The following PKNOX2 variants were observed in gnomAD, a reference collection of about 807,000 sequenced individuals.
PKNOX2 encodes the protein homeobox protein PKNOX2.
In PKNOX2, 14 loss-of-function variants were observed where a neutral mutation model predicts 53.1. That is an observed-to-expected ratio of 0.26 (90% CI 0.17 to 0.41). The LOEUF is 0.41. Among genes scored for constraint, PKNOX2 ranks in the 10% least tolerant of loss-of-function variants. The probability of loss-of-function intolerance (pLI) is 1.00; values close to 1 mark genes in which losing one functional copy is unlikely to be tolerated. For synonymous variants in PKNOX2, 257 were observed against 242.8 expected (o/e 1.06, Z -0.54); for missense variants, 496 against 602.8 (o/e 0.82, Z 1.85).
At chr11:125,176,024 G>A (rs1312845291) in intron 1 of PKNOX2, among the ~76,000 whole-genome samples, 1 of 152,202 alleles carries the variant, frequency 6.6e-6, no homozygotes, top group Non-Finnish European at 1.5e-5. Flanking sequence ...TGACAGCCAT[G>A]TTTGGGTGAT....
chr11:125,270,305 C>A (rs1165107265), intron 2 of PKNOX2, among the ~76,000 whole-genome samples: 1 of 152,192 alleles, frequency 6.6e-6, no homozygotes, highest in African/African-American at 2.4e-5. Context: ...CAGGTGTGGT[C>A]TTCCCTCTGC....
chr11:125,317,780 C>A (rs1241569899), intron 2 of PKNOX2, among the ~76,000 whole-genome samples: 1 of 152,182 alleles, frequency 6.6e-6, no homozygotes, highest in African/African-American at 2.4e-5. Context: ...TGAGCCCTGG[C>A]TTCAACCTAA....
chr11:125,247,847 A>G (rs1302162149), intron 2 of PKNOX2, among the ~76,000 whole-genome samples: 1 of 152,156 alleles, frequency 6.6e-6, no homozygotes, highest in African/African-American at 2.4e-5. Flanking sequence ...TTTGCCAAGG[A>G]CATTTCCTTT....
intron 10 of PKNOX2, among the ~76,000 whole-genome samples, chr11:125,427,208 A>G (rs1168644920): frequency 6.6e-6 from 1 of 152,222 alleles, no homozygotes; most frequent in Non-Finnish European, 1.5e-5. Flanking sequence ...CCCTGGGGCC[A>G]TCTGCACCCT....
At chr11:125,197,437 G>A (rs1747628188) in intron 1 of PKNOX2, among the ~76,000 whole-genome samples, 1 of 152,008 alleles carries the variant, frequency 6.6e-6, no homozygotes, top group Non-Finnish European at 1.5e-5. Flanking sequence ...CCCTGAGTGG[G>A]GATCTCTCTT....
chr11:125,243,648 G>A (rs1200601115), intron 2 of PKNOX2, among the ~76,000 whole-genome samples: 2 of 149,432 alleles, frequency 1.3e-5, no homozygotes, highest in African/African-American at 5.0e-5. Context: ...TTTGAGATAG[G>A]GTCTCGCTCT....
intron 4 of PKNOX2, among the ~76,000 whole-genome samples, chr11:125,363,202 G>A (rs767952036): frequency 2.6e-5 from 4 of 152,192 alleles, no homozygotes; most frequent in Non-Finnish European, 5.9e-5. Context: ...TTACAGGCGT[G>A]AGCCACTCAC....
At chr11:125,342,740 T>A (rs1191855294) in intron 3 of PKNOX2, among the ~76,000 whole-genome samples, 1 of 148,770 alleles carries the variant, frequency 6.7e-6, no homozygotes, top group Non-Finnish European at 1.5e-5. Flanking sequence ...TGTGAGTGTG[T>A]GCAGACGAGA....
intron 1 of PKNOX2, among the ~76,000 whole-genome samples, chr11:125,231,227 C>T (rs952848403): frequency 1.3e-5 from 2 of 152,338 alleles, no homozygotes; most frequent in Non-Finnish European, 2.9e-5. Flanking sequence ...CCCAGCTAAT[C>T]TTCCTCTTTA....
chr11:125,277,270 A>G (rs915486799), intron 2 of PKNOX2, among the ~76,000 whole-genome samples: 1 of 152,206 alleles, frequency 6.6e-6, no homozygotes, highest in African/African-American at 2.4e-5. Flanking sequence ...ATAAAGGCTC[A>G]TTGAAGCTAG....
chr11:125,183,646 T>C (rs1019020047), intron 1 of PKNOX2, among the ~76,000 whole-genome samples: 1 of 144,336 alleles, frequency 6.9e-6, no homozygotes, highest in East Asian at 2.0e-4. Flanking sequence ...TTTTATTAAC[T>C]TTTTTTTTTT....
chr11:125,350,633 G>C (rs945198461), intron 3 of PKNOX2, among the ~76,000 whole-genome samples: 5 of 152,190 alleles, frequency 3.3e-5, no homozygotes, highest in African/African-American at 9.7e-5. Flanking sequence ...GTCTGGGAAA[G>C]TACAGGAGTA....
At chr11:125,191,586 C>A (rs1400524248) in intron 1 of PKNOX2, among the ~76,000 whole-genome samples, 2 of 152,158 alleles carry the variant, frequency 1.3e-5, no homozygotes, top group African/African-American at 2.4e-5. Flanking sequence ...CAGTCACCTG[C>A]CAGTGCCTCC....
chr11:125,410,385 C>T, intron 8 of PKNOX2, 60 bp downstream of exon 8: 1 of 1,602,570 alleles, frequency 6.2e-7, no homozygotes, highest in Non-Finnish European at 8.5e-7. Flanking sequence ...AAAGGGTGGC[C>T]CCGAGGCGGT....
intron 4 of PKNOX2, among the ~76,000 whole-genome samples, chr11:125,359,098 C>CACCATCGGAAAGGCAGGAAGGTGGAA (rs1951781950): frequency 6.8e-6 from 1 of 146,244 alleles, no homozygotes; most frequent in African/African-American, 2.8e-5. Flanking sequence ...GGAAGGTAGA[C>CACCATCGGAAAGGCAGGAAGGTGGAA]ACCATCGGAA....
At chr11:125,293,713 T>C (rs1275254799) in intron 2 of PKNOX2, among the ~76,000 whole-genome samples, 2 of 151,838 alleles carry the variant, frequency 1.3e-5, no homozygotes, top group East Asian at 3.9e-4. Flanking sequence ...TTCCTTTTAT[T>C]TGGAGTAGTT....
At chr11:125,208,692 T>A (rs1287895533) in intron 1 of PKNOX2, among the ~76,000 whole-genome samples, 1 of 151,682 alleles carries the variant, frequency 6.6e-6, no homozygotes, top group Non-Finnish European at 1.5e-5. Flanking sequence ...AGGTGAGAGG[T>A]AGAAGAGAGT....
In PKNOX2 at chr11:125,177,070, G is replaced by T. The variant is rs569073181; in HGVS notation, c.-201+12294G>T. Among the ~76,000 whole-genome samples, 731 of 152,336 alleles carry T rather than the reference G, an allele frequency of 4.8e-3. 8 individuals carry two copies. Among genetic ancestry groups the T allele is most frequent in the Non-Finnish European group, 4.7e-3 (318 of 68,030 alleles). ...CTCGTGGGCAGCAGCTGTGACGGGG[G>T]TAGAAATGACTCAGCCCATTTTGCT... On this transcript the variant is annotated intron_variant, in intron 1 of 12. Transcript: ENST00000298282.
intron 2 of PKNOX2, among the ~76,000 whole-genome samples, chr11:125,316,235 CT>C (rs1225266882): frequency 3.3e-5 from 5 of 152,238 alleles, no homozygotes; most frequent in Non-Finnish European, 7.3e-5. Context: ...CCAATATGGA[CT>C]TATCCGCATC....
Sources: allele counts gnomAD v4.1 joint callset (sites outside exome capture counted in the v4.1 genomes callset), GRCh38; gene constraint gnomAD v4.1.1; transcripts MANE v1.5; gene names NCBI Gene and HGNC (gene_info 2026-07-23, HGNC 2026-07-21).